FOXP2: variants seen among roughly 807,000 people sequenced by gnomAD.
FOXP2 encodes forkhead box P2.
FOXP2 carries 12 observed loss-of-function variants against 115.8 expected under a neutral mutation model. The observed-to-expected ratio is 0.10, with a 90% CI of 0.07 to 0.17. The LOEUF (loss-of-function observed/expected upper bound fraction) is 0.17, where lower values mean the gene tolerates loss of function less well. FOXP2 is among the 10% of genes least tolerant of loss of function. The probability of loss-of-function intolerance (pLI) is 1.00; values close to 1 mark genes in which losing one functional copy is unlikely to be tolerated. For missense variants in FOXP2, 629 were observed against 843.5 expected (o/e 0.75, Z 3.15); for synonymous variants, 328 against 297.7 (o/e 1.10, Z -1.05).
At chr7:114,259,377 T>C (rs1426117246) in intron 1 of FOXP2, among the ~76,000 whole-genome samples, 4 of 152,200 alleles carry the variant, frequency 2.6e-5, no homozygotes, top group Non-Finnish European at 4.4e-5. Flanking sequence ...CATTATAAAA[T>C]AGATTAGTTA....
At chr7:114,168,492 G>T (rs1222802666) in intron 1 of FOXP2, among the ~76,000 whole-genome samples, 1 of 152,130 alleles carries the variant, frequency 6.6e-6, no homozygotes, top group Non-Finnish European at 1.5e-5. Flanking sequence ...ACTTGAGAGA[G>T]ATGATTTAAG....
intron 1 of FOXP2, among the ~76,000 whole-genome samples, chr7:114,151,796 A>G (rs1792535017): frequency 1.3e-5 from 2 of 152,124 alleles, no homozygotes; most frequent in African/African-American, 2.4e-5. Flanking sequence ...AGAGCATCCA[A>G]CTTGGAGCTT....
intron 1 of FOXP2, among the ~76,000 whole-genome samples, chr7:114,091,701 T>C (rs1799547248): frequency 6.6e-6 from 1 of 151,976 alleles, no homozygotes; most frequent in Admixed American, 6.6e-5. Flanking sequence ...TTGTTTACTC[T>C]CTCTAAATTG....
chr7:114,437,794 C>A (rs1424733608), intron 2 of FOXP2, among the ~76,000 whole-genome samples: 5 of 152,086 alleles, frequency 3.3e-5, no homozygotes, highest in African/African-American at 1.2e-4. Flanking sequence ...CCTGCACAGG[C>A]CTGCTCTGGT....
At chr7:114,261,639 T>C (rs1291125108) in intron 1 of FOXP2, among the ~76,000 whole-genome samples, 1 of 152,192 alleles carries the variant, frequency 6.6e-6, no homozygotes, top group Non-Finnish European at 1.5e-5. Flanking sequence ...ATAAAACGGT[T>C]ATAGAACCTA....
chr7:114,490,022 T>C (rs1193786909), intron 2 of FOXP2, among the ~76,000 whole-genome samples: 1 of 152,106 alleles, frequency 6.6e-6, no homozygotes, highest in Non-Finnish European at 1.5e-5. Context: ...AGTTTTGCAG[T>C]TTCTTACAAA....
chr7:114,131,512 G>A (rs1791876223), intron 1 of FOXP2, among the ~76,000 whole-genome samples: 1 of 150,788 alleles, frequency 6.6e-6, no homozygotes, highest in Non-Finnish European at 1.5e-5. Flanking sequence ...CACTTCACTA[G>A]AATATTATAA....
chr7:114,526,492 A>C (rs1009281828), intron 2 of FOXP2, among the ~76,000 whole-genome samples: 5 of 151,540 alleles, frequency 3.3e-5, no homozygotes, highest in East Asian at 1.9e-4. Flanking sequence ...AAAAAACAAA[A>C]AAAAAAACAC....
intron 1 of FOXP2, among the ~76,000 whole-genome samples, chr7:114,244,017 G>A (rs966529556): frequency 6.6e-6 from 1 of 151,486 alleles, no homozygotes; most frequent in East Asian, 1.9e-4. Flanking sequence ...AGTTTTCATA[G>A]TACCTGTTTT....
chr7:114,575,718 A>C (rs1032943731), intron 3 of FOXP2, among the ~76,000 whole-genome samples: 2 of 151,892 alleles, frequency 1.3e-5, no homozygotes. Flanking sequence ...GAAGATACAA[A>C]GTTAGGAAAT....
intron 2 of FOXP2, among the ~76,000 whole-genome samples, chr7:114,370,265 T>C (rs1309062675): frequency 6.6e-6 from 1 of 152,212 alleles, no homozygotes; most frequent in African/African-American, 2.4e-5. Flanking sequence ...ACTTGCATGG[T>C]TCATTAAAGT....
intron 3 of FOXP2, among the ~76,000 whole-genome samples, chr7:114,550,936 A>G (rs1800174376): frequency 6.6e-6 from 1 of 152,220 alleles, no homozygotes; most frequent in Non-Finnish European, 1.5e-5. Context: ...GTTTCCATAC[A>G]ATAATTTCCA....
At chr7:114,635,936 A>G (rs1430163607) in intron 6 of FOXP2, among the ~76,000 whole-genome samples, 1 of 152,216 alleles carries the variant, frequency 6.6e-6, no homozygotes, top group African/African-American at 2.4e-5. Context: ...ATGTATTCAC[A>G]TATCCCAGAA....
intron 16 of FOXP2, among the ~76,000 whole-genome samples, chr7:114,688,366 A>G (rs1167457069): frequency 6.6e-6 from 1 of 152,002 alleles, no homozygotes; most frequent in East Asian, 1.9e-4. Context: ...AACAAAACCT[A>G]GAGTTTCCCA....
intron 3 of FOXP2, among the ~76,000 whole-genome samples, chr7:114,601,832 T>C (rs946614883): frequency 6.6e-6 from 1 of 152,112 alleles, no homozygotes; most frequent in Non-Finnish European, 1.5e-5. Flanking sequence ...TTTCAAGCCT[T>C]TGAAATTCGT....
intron 1 of FOXP2, among the ~76,000 whole-genome samples, chr7:114,172,668 C>T (rs1793178449): frequency 6.6e-6 from 1 of 151,890 alleles, no homozygotes; most frequent in Non-Finnish European, 1.5e-5. Flanking sequence ...TATAGGAGTA[C>T]TTTAAAGTCT....
At chr7:114,607,267 T>C (rs1243033386) in intron 3 of FOXP2, among the ~76,000 whole-genome samples, 1 of 152,148 alleles carries the variant, frequency 6.6e-6, no homozygotes, top group Non-Finnish European at 1.5e-5. Context: ...GCTAGATATA[T>C]CACTACTTAA....
chr7:114,652,335 G>T (rs753919466), intron 9 of FOXP2, 45 bp downstream of exon 9: 3 of 1,560,356 alleles, frequency 1.9e-6, no homozygotes, highest in Non-Finnish European at 2.6e-6. Flanking sequence ...GATTTCTGGT[G>T]TGTTACATTG....
rs548377953 is a variant in FOXP2, at chr7:114,457,637, G to A, written c.168+30958G>A. On this transcript the variant is annotated intron_variant, in intron 2 of 16. Coordinates refer to ENST00000350908, the MANE Select transcript of FOXP2 (RefSeq NM_014491.4). ...CTCATGGCTGGGCGCAGTGGCTCAC[G>A]CCTGTAATCCCAGCACTTTCGGAGG... 1.3e-4 allele frequency among the ~76,000 whole-genome samples: 20 copies of A among 152,132 alleles called. No homozygotes were observed. In the East Asian group the frequency reaches 1.5e-3, roughly 12 times the overall value.
Sources: allele counts gnomAD v4.1 joint callset (sites outside exome capture counted in the v4.1 genomes callset), GRCh38; gene constraint gnomAD v4.1.1; transcripts MANE v1.5; gene names NCBI Gene and HGNC (gene_info 2026-07-23, HGNC 2026-07-21).